KLHL20: variants seen among roughly 807,000 people sequenced by gnomAD.
KLHL20 encodes kelch like family member 20, also known as kelch-like protein 20.
In KLHL20, 29 loss-of-function variants were observed where a neutral mutation model predicts 69.5. The observed-to-expected ratio is 0.42, with a 90% CI of 0.31 to 0.57. The LOEUF (loss-of-function observed/expected upper bound fraction) is 0.57, where lower values mean the gene tolerates loss of function less well. Among genes scored for constraint, KLHL20 ranks in the 20% least tolerant of loss-of-function variants. The probability of loss-of-function intolerance (pLI) is 0.18; values close to 1 mark genes in which losing one functional copy is unlikely to be tolerated. For missense variants in KLHL20, 419 were observed against 776.0 expected (o/e 0.54, Z 5.47); for synonymous variants, 253 against 265.2 (o/e 0.95, Z 0.45).
intron 2 of KLHL20, among the ~76,000 whole-genome samples, chr1:173,727,710 T>G (rs1230221081): frequency 6.6e-6 from 1 of 152,164 alleles, no homozygotes; most frequent in Non-Finnish European, 1.5e-5. Flanking sequence ...TGAGAGATTT[T>G]GTCACCACCA....
chr1:173,716,195 A>T (rs1031583955), intron 2 of KLHL20, 129 bp downstream of exon 2: 2 of 745,940 alleles, frequency 2.7e-6, no homozygotes, highest in Non-Finnish European at 4.3e-6. Context: ...TTCTACAATA[A>T]ATCAAAAGTA....
chr1:173,759,942 A>G (rs866114383), intron 7 of KLHL20, among the ~76,000 whole-genome samples: 51 of 152,328 alleles, frequency 3.3e-4, no homozygotes, highest in African/African-American at 1.2e-3. Flanking sequence ...GACCAGAGAA[A>G]GGCAAAGCCC....
At position 173,772,000 on chromosome 1, in the gene KLHL20, A is replaced by G. The variant is rs192300417; in HGVS notation, c.1296-2305A>G. ...TTGAAAACCAGAGTGTGGAGGTAGA[A>G]GAAGAAAAGGTTGCAAAATAGAAGT... On this transcript the variant is annotated intron_variant, in intron 8 of 11. Transcript: ENST00000209884. Among the ~76,000 whole-genome samples, 10 of 152,336 alleles carry G rather than the reference A, an allele frequency of 6.6e-5. No homozygotes were observed. The East Asian group carries it at 1.9e-3, about 29-fold the overall frequency.
At chr1:173,736,074 G>A (rs1228791017) in intron 3 of KLHL20, among the ~76,000 whole-genome samples, 5 of 150,552 alleles carry the variant, frequency 3.3e-5, no homozygotes, top group Non-Finnish European at 5.9e-5. Flanking sequence ...AGCCTCCCAA[G>A]TAGCTGGGAC....
At chr1:173,750,259 GT>G (rs1323983097) in intron 3 of KLHL20, among the ~76,000 whole-genome samples, 1 of 151,940 alleles carries the variant, frequency 6.6e-6, no homozygotes, top group Non-Finnish European at 1.5e-5. Flanking sequence ...GCCCTTTACT[GT>G]TTTGAGATTT....
intron 4 of KLHL20, among the ~76,000 whole-genome samples, chr1:173,752,450 T>C (rs1010798411): frequency 6.6e-6 from 1 of 152,236 alleles, no homozygotes; most frequent in East Asian, 1.9e-4. Flanking sequence ...TTTTGAATGA[T>C]AGCACAATTC....
chr1:173,781,553 C>T (rs555997935), intron 10 of KLHL20, among the ~76,000 whole-genome samples: 6 of 152,044 alleles, frequency 3.9e-5, no homozygotes, highest in Non-Finnish European at 4.4e-5. Flanking sequence ...TGGGCTCAAG[C>T]GATCCACCGA....
At chr1:173,775,327 TC>T (rs1648384380) in intron 9 of KLHL20, among the ~76,000 whole-genome samples, 1 of 152,146 alleles carries the variant, frequency 6.6e-6, no homozygotes, top group Non-Finnish European at 1.5e-5. Flanking sequence ...GTAGTCAGGC[TC>T]CCCATTTAAC....
chr1:173,760,878 C>T (rs115085951), intron 7 of KLHL20, among the ~76,000 whole-genome samples: 198 of 152,234 alleles, frequency 1.3e-3, no homozygotes, highest in African/African-American at 4.4e-3. Flanking sequence ...AGTAAAGTAA[C>T]GGTACCTCAC....
chr1:173,764,452 T>C (rs1370892136), intron 7 of KLHL20, among the ~76,000 whole-genome samples: 1 of 152,132 alleles, frequency 6.6e-6, no homozygotes, highest in Non-Finnish European at 1.5e-5. Context: ...CAATTCACAA[T>C]TGCAAAATCG....
chr1:173,766,042 G>C lies in KLHL20; in HGVS notation c.1152-104G>C. 3.3e-6 allele frequency: 3 copies of C among 919,460 alleles called. No individual in the cohort carries two copies. In the Admixed American group the frequency reaches 9.5e-5, roughly 29 times the overall value. The allele number at this position is 919,460 out of a possible 1,614,324, so 57.0% of individuals were successfully genotyped here. A position where few individuals can be genotyped will look rare whatever the true frequency, so the allele number is the denominator to read the frequency against. ...GTTATTATTAATCAGCCCATACTTA[G>C]GGGAAATAATATATATCATATAAAT... On this transcript the variant is annotated intron_variant, in intron 7 of 11. Transcript: ENST00000209884.
chr1:173,738,315 C>T (rs1571874624), intron 3 of KLHL20, among the ~76,000 whole-genome samples: 2 of 152,196 alleles, frequency 1.3e-5, no homozygotes, highest in Admixed American at 6.5e-5. Context: ...ACTACAGATG[C>T]GCACCATCAT....
Position 173,763,134 on chromosome 1 carries a change from C to CA in KLHL20, c.1152-3003dup, listed in dbSNP as rs776996869. ...ACTCAACTTTTTTTTACAATAGCTG[C>CA]AAAAAAAAATAAAATACTTAGGAAT... On this transcript the variant is annotated intron_variant, in intron 7 of 11. Coordinates refer to ENST00000209884, the MANE Select transcript of KLHL20 (RefSeq NM_014458.4). Among the ~76,000 whole-genome samples the CA allele has an allele frequency of 2.4e-3, 355 of 149,014 alleles. 1 individual carries two copies. The highest frequency in any genetic ancestry group is 0.017 in the Middle Eastern group (5 of 290).
intron 2 of KLHL20, among the ~76,000 whole-genome samples, chr1:173,716,795 T>C (rs1671483538): frequency 6.6e-6 from 1 of 152,220 alleles, no homozygotes; most frequent in Non-Finnish European, 1.5e-5. Flanking sequence ...AAACAACTTC[T>C]GCAGTTCTTT....
chr1:173,757,180 A>G (rs1419372863), intron 7 of KLHL20, 21 bp downstream of exon 7: 1 of 1,579,952 alleles, frequency 6.3e-7, no homozygotes, highest in Non-Finnish European at 8.6e-7. Flanking sequence ...TCAATCTGTA[A>G]TTTTCTCTCT....
At position 173,726,751 on chromosome 1, in the gene KLHL20, G is replaced by A. The variant is rs534528285; in HGVS notation, c.24-6962G>A. Among the ~76,000 whole-genome samples, 71 of 152,194 alleles carry A rather than the reference G, an allele frequency of 4.7e-4. 1 individual carries two copies. The highest frequency in any genetic ancestry group is 1.5e-4 in the Non-Finnish European group (10 of 67,998). On this transcript the variant is annotated intron_variant, in intron 2 of 11. Coordinates refer to ENST00000209884, the MANE Select transcript of KLHL20 (RefSeq NM_014458.4). Reference sequence around the variant, plus strand: ...ATCCACACCAAAACCCCATCTGTACGTCACCATCATCAAAGACCAAAGGTA... The same window carrying A: ...ATCCACACCAAAACCCCATCTGTACATCACCATCATCAAAGACCAAAGGTA...
intron 2 of KLHL20, among the ~76,000 whole-genome samples, chr1:173,723,399 A>T (rs974029778): frequency 1.2e-4 from 19 of 152,344 alleles, no homozygotes; most frequent in Non-Finnish European, 4.4e-5. Context: ...TACCAGATGT[A>T]TAAGTGTTTT....
intron 7 of KLHL20, among the ~76,000 whole-genome samples, chr1:173,758,871 C>T (rs998490572): frequency 2.4e-4 from 37 of 152,296 alleles, no homozygotes; most frequent in African/African-American, 8.7e-4. Flanking sequence ...TGAGAAGCCT[C>T]CTGACCAGAA....
chr1:173,723,737 T>A (rs1319304313), intron 2 of KLHL20, among the ~76,000 whole-genome samples: 1 of 152,180 alleles, frequency 6.6e-6, no homozygotes, highest in East Asian at 1.9e-4. Flanking sequence ...GTCATCCCCC[T>A]TTTAAGTAGC....
Sources: gnomAD v4.1 joint callset for allele counts (sites outside exome capture counted in the v4.1 genomes callset) on GRCh38, gnomAD v4.1.1 for gene constraint, MANE v1.5 for transcripts, NCBI Gene and HGNC (gene_info 2026-07-23, HGNC 2026-07-21) for gene names.